The following BTBD9 variants were observed in gnomAD, a reference collection of about 807,000 sequenced individuals.
The protein encoded by BTBD9 is BTB domain containing 9, also known as BTB/POZ domain-containing protein 9.
BTBD9 carries 49 observed loss-of-function variants against 64.3 expected under a neutral mutation model. The observed-to-expected ratio is 0.76, with a 90% confidence interval of 0.61 to 0.97. BTBD9 has a LOEUF of 0.97. Ranked by LOEUF, BTBD9 falls within the 50% of genes least tolerant of loss-of-function variation. The pLI is 0.00. For missense variants in BTBD9, 598 were observed against 762.1 expected (o/e 0.78, Z 2.53); for synonymous variants, 260 against 274.7 (o/e 0.95, Z 0.53).
rs1410612915 is a variant in BTBD9, at chr6:38,184,981, G to A, written c.1641+7538C>T. ...GCAGACTTTCTGTCCTGCTGCTGTC[G>A]GCCCATGCAGATGCTCCTCTGACAC... On this transcript the variant is annotated intron_variant, in intron 10 of 10. Coordinates refer to ENST00000481247, the MANE Select transcript of BTBD9 (RefSeq NM_001099272.2). This position sits in a 1 kb window ranked among gnomAD's most constrained non-coding sequence, Gnocchi z 4.4. Among the ~76,000 whole-genome samples the A allele has an allele frequency of 2.0e-5, 3 of 152,194 alleles. No homozygotes were observed. The highest frequency in any genetic ancestry group is 4.8e-5 in the African/African-American group (2 of 41,530).
rs999333863 is a variant in BTBD9 at position 38,322,227 on chromosome 6, G to A, written c.1264+22757C>T. On this transcript the variant is annotated intron_variant, in intron 7 of 10. Coordinates refer to ENST00000481247, the MANE Select transcript of BTBD9 (RefSeq NM_001099272.2). ...TCCCTTCTCACTGTACATTGCCTTG[G>A]TCCTCTTCCTGGGGAGGATTGCATC... is the stretch of plus-strand genomic sequence containing the variant. Among the ~76,000 whole-genome samples, 4 of 151,904 alleles carry A rather than the reference G, an allele frequency of 2.6e-5. No individual in the cohort carries two copies. In the South Asian group the frequency reaches 8.3e-4, roughly 32 times the overall value.
chr6:38,539,261 C>T (rs1202461365), intron 6 of BTBD9, among the ~76,000 whole-genome samples: 3 of 152,282 alleles, frequency 2.0e-5, no homozygotes, highest in East Asian at 3.9e-4. Flanking sequence ...TAACATTTCC[C>T]ATATTCAATG....
chr6:38,200,247 A>T (rs1456163556), intron 9 of BTBD9, among the ~76,000 whole-genome samples: 1 of 152,122 alleles, frequency 6.6e-6, no homozygotes, highest in Non-Finnish European at 1.5e-5. Flanking sequence ...ATAGACCAAA[A>T]CCTGTGGGAC....
chr6:38,292,097 G>A (rs147715502), intron 7 of BTBD9, among the ~76,000 whole-genome samples: 1,649 of 152,186 alleles, frequency 0.011, 33 homozygotes, highest in African/African-American at 0.036. Flanking sequence ...AAGTAGCTGG[G>A]ATTACAGGCG....
chr6:38,589,419 A>G (rs1425366851), intron 4 of BTBD9, among the ~76,000 whole-genome samples: 1 of 152,212 alleles, frequency 6.6e-6, no homozygotes, highest in Non-Finnish European at 1.5e-5. Context: ...AATCAAATGC[A>G]GGGCAAGAGA....
intron 2 of BTBD9, among the ~76,000 whole-genome samples, chr6:38,597,399 GTAGT>G (rs1777081311): frequency 2.0e-5 from 3 of 152,206 alleles, no homozygotes; most frequent in Middle Eastern, 3.2e-3. Flanking sequence ...AAAATGTAGA[GTAGT>G]TAAAGATCAG....
rs373698979 is a variant in BTBD9, at chr6:38,561,783, G to A, written c.1154+15817C>T. ...GAGAACAGTAGACACTGGGGACTACGGTGGGGGATGGGGCAAGGGCTGAAA... is the reference window on the plus strand; with the variant it reads ...GAGAACAGTAGACACTGGGGACTACAGTGGGGGATGGGGCAAGGGCTGAAA... On this transcript the variant is annotated intron_variant, in intron 6 of 10. Coordinates refer to ENST00000481247, the MANE Select transcript of BTBD9 (RefSeq NM_001099272.2). Among the ~76,000 whole-genome samples, 48 of 152,202 alleles carry A rather than the reference G, an allele frequency of 3.2e-4. No homozygotes were observed. The South Asian group carries it at 7.5e-3, about 24-fold the overall frequency.
At chr6:38,553,668 T>C (rs9296252) in intron 6 of BTBD9, among the ~76,000 whole-genome samples, 15,021 of 152,174 alleles carry the variant, frequency 0.099, 1,099 homozygotes, top group East Asian at 0.24. Context: ...GACTTCTCGT[T>C]AATAATCTAG....
chr6:38,189,547 G>C (rs990991328), intron 10 of BTBD9, among the ~76,000 whole-genome samples: 3 of 152,176 alleles, frequency 2.0e-5, no homozygotes, highest in Non-Finnish European at 4.4e-5. Context: ...CTGGAGTGCA[G>C]TGGCATAATC....
chr6:38,180,344 T>G (rs1188974953), intron 10 of BTBD9, among the ~76,000 whole-genome samples: 1 of 151,942 alleles, frequency 6.6e-6, no homozygotes, highest in Non-Finnish European at 1.5e-5. Context: ...GAGAGGAGTG[T>G]GAGGGAAGGG....
At chr6:38,606,852 C>T (rs765344065) in intron 1 of BTBD9, among the ~76,000 whole-genome samples, 5 of 152,202 alleles carry the variant, frequency 3.3e-5, no homozygotes, top group Middle Eastern at 3.4e-3. Flanking sequence ...AGACAAGATT[C>T]GGTAATTTGT....
intron 7 of BTBD9, among the ~76,000 whole-genome samples, chr6:38,333,075 T>C (rs1268228653): frequency 6.6e-6 from 1 of 152,330 alleles, no homozygotes; most frequent in South Asian, 2.1e-4. Context: ...CTTGGTAATA[T>C]GGCTAGTGAT....
At chr6:38,627,913 T>C (rs1778225589) in intron 1 of BTBD9, among the ~76,000 whole-genome samples, 1 of 152,136 alleles carries the variant, frequency 6.6e-6, no homozygotes, top group Non-Finnish European at 1.5e-5. Context: ...CTAGAAAATT[T>C]TAACTGGTTT....
intron 6 of BTBD9, among the ~76,000 whole-genome samples, chr6:38,455,341 A>AT (rs1769748358): frequency 3.3e-5 from 5 of 151,942 alleles, no homozygotes; most frequent in African/African-American, 2.4e-5. Context: ...ATTTTGCCTC[A>AT]TTTTTTTCTT....
intron 6 of BTBD9, among the ~76,000 whole-genome samples, chr6:38,353,746 G>A (rs1490575746): frequency 6.6e-6 from 1 of 152,148 alleles, no homozygotes; most frequent in East Asian, 1.9e-4. Flanking sequence ...TATCCAATAA[G>A]CTATGCGTTT....
chr6:38,624,581 T>A (rs1047485474), intron 1 of BTBD9, among the ~76,000 whole-genome samples: 7 of 152,054 alleles, frequency 4.6e-5, no homozygotes, highest in African/African-American at 1.7e-4. Context: ...CTCAGCCTTT[T>A]GGCTAAAATC....
chr6:38,314,029 C>T (rs779227924), intron 7 of BTBD9, among the ~76,000 whole-genome samples: 46 of 151,948 alleles, frequency 3.0e-4, no homozygotes, highest in Non-Finnish European at 5.6e-4. Context: ...GTGTGAGCCA[C>T]TGTGCCTGGT....
chr6:38,314,489 G>A (rs895918439), intron 7 of BTBD9, among the ~76,000 whole-genome samples: 1 of 152,094 alleles, frequency 6.6e-6, no homozygotes, highest in South Asian at 2.1e-4. Context: ...GAGTTTGGAA[G>A]TATTCTCTCC....
intron 7 of BTBD9, among the ~76,000 whole-genome samples, chr6:38,330,795 T>G (rs941862883): frequency 6.6e-6 from 1 of 151,854 alleles, no homozygotes; most frequent in Admixed American, 6.6e-5. Context: ...AAGAATAAAA[T>G]AAGCAAGAAA....
Sources: allele counts gnomAD v4.1 joint callset (sites outside exome capture counted in the v4.1 genomes callset), GRCh38; gene constraint gnomAD v4.1.1; non-coding constraint Gnocchi (gnomAD v3.1); transcripts MANE v1.5; gene names NCBI Gene and HGNC (gene_info 2026-07-23, HGNC 2026-07-21).